NTNG2: variants seen among roughly 807,000 people sequenced by gnomAD.
NTNG2 encodes netrin G2.
In NTNG2, 15 loss-of-function variants were observed where a neutral mutation model predicts 47.6. The ratio of observed to expected loss-of-function variants is 0.32; its 90% CI spans 0.21 to 0.49. The LOEUF is 0.49. Among genes scored for constraint, NTNG2 ranks in the 20% least tolerant of loss-of-function variants. NTNG2 has a pLI of 0.99. For missense variants in NTNG2, 578 were observed against 764.6 expected (o/e 0.76, Z 2.88); for synonymous variants, 307 against 324.6 (o/e 0.95, Z 0.58).
Position 132,197,935 on chromosome 9 carries a change from C to G in NTNG2, c.214-31C>G. 3 of 1,585,502 alleles carry G rather than the reference C, an allele frequency of 1.9e-6. No homozygotes were observed. The highest frequency in any genetic ancestry group is 2.6e-6 in the Non-Finnish European group (3 of 1,165,172). Reference sequence around the variant, plus strand: ...CCAGGCCATCCCGAGCATCCAGCACCCACCCTTCCCTTCTCCTCTCCCCGC... The same window carrying G: ...CCAGGCCATCCCGAGCATCCAGCACGCACCCTTCCCTTCTCCTCTCCCCGC... On this transcript the variant is annotated intron_variant, in intron 2 of 7. Transcript: ENST00000393229. The surrounding 1 kb of genome is among the most constrained non-coding windows in gnomAD (Gnocchi z 4.3).
intron 3 of NTNG2, among the ~76,000 whole-genome samples, chr9:132,206,720 C>G (rs967741823): frequency 1.3e-5 from 2 of 152,282 alleles, no homozygotes; most frequent in African/African-American, 2.4e-5. Flanking sequence ...ACACCCAGCT[C>G]TTTGGGGACA....
chr9:132,220,193 C>T (rs1012466563), intron 3 of NTNG2, among the ~76,000 whole-genome samples: 1 of 152,128 alleles, frequency 6.6e-6, no homozygotes, highest in African/African-American at 2.4e-5. Context: ...GATTATTTGT[C>T]ATTTTATTAT....
At chr9:132,169,820 G>C (rs1835761455) in intron 2 of NTNG2, among the ~76,000 whole-genome samples, 1 of 152,230 alleles carries the variant, frequency 6.6e-6, no homozygotes. Context: ...TTATGGCCTC[G>C]GTGATTTTCC....
At chr9:132,190,480 GTTC>G (rs1310811813) in intron 2 of NTNG2, among the ~76,000 whole-genome samples, 5 of 152,098 alleles carry the variant, frequency 3.3e-5, no homozygotes, top group South Asian at 2.1e-4. Context: ...GACGTTGTCT[GTTC>G]TTCTTCCTGA....
chr9:132,207,678 C>T (rs762878697), intron 3 of NTNG2, among the ~76,000 whole-genome samples: 7 of 152,190 alleles, frequency 4.6e-5, no homozygotes, highest in Non-Finnish European at 8.8e-5. Context: ...CCACAGCAGG[C>T]ACCTATGACA....
chr9:132,234,094 C>G (rs1841447970), intron 5 of NTNG2, among the ~76,000 whole-genome samples: 1 of 150,266 alleles, frequency 6.7e-6, no homozygotes, highest in East Asian at 2.0e-4. Flanking sequence ...ATGGAGCAAT[C>G]TCAGCTCACT....
At chr9:132,191,667 G>A (rs1315030921) in intron 2 of NTNG2, among the ~76,000 whole-genome samples, 3 of 152,078 alleles carry the variant, frequency 2.0e-5, no homozygotes, top group Admixed American at 6.6e-5. Context: ...CACCTCCTGG[G>A]TTCACGCCAT....
rs866530179 is a variant in NTNG2, at chr9:132,221,037, C to T, written c.858-5812C>T. ...GTAGAGCTGTTTTACAGTCCATGCG[C>T]CCATCTCCCCCAGTCATCTCGTACA... On this transcript the variant is annotated intron_variant, in intron 3 of 7. Transcript: ENST00000393229. The surrounding 1 kb of genome is among the most constrained non-coding windows in gnomAD (Gnocchi z 4.2). Among the ~76,000 whole-genome samples, 1 of 152,218 alleles carries T rather than the reference C, an allele frequency of 6.6e-6. No homozygotes were observed. Among genetic ancestry groups the T allele is most frequent in the East Asian group, 1.9e-4 (1 of 5,182 alleles).
chr9:132,204,198 G>A lies in NTNG2; in HGVS notation c.857+5589G>A, dbSNP rs181106651. ...CCAAGAGGCTGAGCTGGGCCTGGACGGGCAGATCTGAGCTCCAGACTGGCC... is the reference window on the plus strand; with the variant it reads ...CCAAGAGGCTGAGCTGGGCCTGGACAGGCAGATCTGAGCTCCAGACTGGCC... On this transcript the variant is annotated intron_variant, in intron 3 of 7. Transcript: ENST00000393229. Among the ~76,000 whole-genome samples, 548 of 152,282 alleles carry A rather than the reference G, an allele frequency of 3.6e-3. 4 individuals carry two copies. The highest frequency in any genetic ancestry group is 0.012 in the African/African-American group (519 of 41,562).
At chr9:132,199,555 T>G (rs1256471701) in intron 3 of NTNG2, among the ~76,000 whole-genome samples, 1 of 152,174 alleles carries the variant, frequency 6.6e-6, no homozygotes, top group East Asian at 1.9e-4. Context: ...GAAGCCTCAG[T>G]GTTCAGAGTT....
intron 3 of NTNG2, among the ~76,000 whole-genome samples, chr9:132,200,920 G>A (rs1193036288): frequency 6.6e-6 from 1 of 152,256 alleles, no homozygotes; most frequent in Non-Finnish European, 1.5e-5. Context: ...GGATGCAATT[G>A]TCTGGTTGTT....
At chr9:132,196,275 A>G (rs1474433294) in intron 2 of NTNG2, among the ~76,000 whole-genome samples, 2 of 152,054 alleles carry the variant, frequency 1.3e-5, no homozygotes, top group East Asian at 1.9e-4. Flanking sequence ...ACTGCAACCT[A>G]CGCCTCCAGG....
chr9:132,207,181 A>T (rs532587482), intron 3 of NTNG2, among the ~76,000 whole-genome samples: 115 of 152,294 alleles, frequency 7.6e-4, no homozygotes, highest in Middle Eastern at 3.4e-3. Flanking sequence ...CACTCAACAG[A>T]TGTTTTTTCT....
rs1386713006 is a variant in NTNG2 at position 132,197,795 on chromosome 9, A to T, written c.214-171A>T. ...CATGGGATTGCACACCTCTGCACGC[A>T]TTGAGGAAATGGGCACAAATCTCCC... On this transcript the variant is annotated intron_variant, in intron 2 of 7. Transcript: ENST00000393229. The surrounding 1 kb of genome is among the most constrained non-coding windows in gnomAD (Gnocchi z 4.3). Among the ~76,000 whole-genome samples, 2 of 152,018 alleles carry T rather than the reference A, an allele frequency of 1.3e-5. No individual in the cohort carries two copies. The highest frequency in any genetic ancestry group is 2.9e-5 in the Non-Finnish European group (2 of 67,994).
At position 132,191,611 on chromosome 9, in the gene NTNG2, T is replaced by C. The variant is rs535254825; in HGVS notation, c.214-6355T>C. On this transcript the variant is annotated intron_variant, in intron 2 of 7. Transcript: ENST00000393229. Reference sequence around the variant, plus strand: ...CAGAGTCTTGCTCTGTCGCCCAGGCTGGAGTGCTGGAGTGCAGTGGCGCGA... The same window carrying C: ...CAGAGTCTTGCTCTGTCGCCCAGGCCGGAGTGCTGGAGTGCAGTGGCGCGA... Among the ~76,000 whole-genome samples the C allele has an allele frequency of 2.4e-3, 368 of 152,156 alleles. 1 individual carries two copies. The highest frequency in any genetic ancestry group is 8.4e-3 in the African/African-American group (347 of 41,512).
At chr9:132,224,954 G>A (rs540792792) in intron 3 of NTNG2, among the ~76,000 whole-genome samples, 10 of 151,418 alleles carry the variant, frequency 6.6e-5, no homozygotes, top group East Asian at 3.9e-4. Context: ...ATGTAGTCTC[G>A]CTCTGTCTCC....
rs1835226448 is a variant in NTNG2 at position 132,163,319 on chromosome 9, G to T, written c.-484+1080G>T. Among the ~76,000 whole-genome samples the T allele has an allele frequency of 6.6e-6, 1 of 150,788 alleles. No homozygotes were observed. The highest frequency in any genetic ancestry group is 1.5e-5 in the Non-Finnish European group (1 of 67,528). The stretch of plus-strand genomic sequence containing the variant: ...GCGGCCCGCCGGGACCCACCCGGGA[G>T]CTGCTGCTCGCGCCCCGCCTCCCGC... On this transcript the variant is annotated intron_variant, in intron 1 of 7. Coordinates refer to ENST00000393229, the MANE Select transcript of NTNG2 (RefSeq NM_032536.4). The surrounding 1 kb of genome is among the most constrained non-coding windows in gnomAD (Gnocchi z 7.2).
intron 2 of NTNG2, among the ~76,000 whole-genome samples, chr9:132,189,064 C>CGTTTTT: frequency 1.6e-5 from 1 of 61,756 alleles, no homozygotes; most frequent in East Asian, 4.4e-4. Context: ...GGCTTTAAGC[C>CGTTTTT]TTTCTTTTTT....
intron 2 of NTNG2, among the ~76,000 whole-genome samples, chr9:132,181,002 C>G (rs1244635068): frequency 1.3e-5 from 2 of 152,232 alleles, no homozygotes; most frequent in African/African-American, 4.8e-5. Context: ...CTGGCCTGAG[C>G]AGGTTCTGCC....
Sources: gnomAD v4.1 joint callset for allele counts (sites outside exome capture counted in the v4.1 genomes callset) on GRCh38, gnomAD v4.1.1 for gene constraint, Gnocchi (gnomAD v3.1) non-coding constraint, MANE v1.5 for transcripts, NCBI Gene and HGNC (gene_info 2026-07-23, HGNC 2026-07-21) for gene names.